Variants in BLTP3B observed in about 807,000 individuals in gnomAD.
BLTP3B encodes UHRF1 (ICBP90) binding protein 1-like.
chr12:100,102,610 TC>T, the BLTP3B span, among the ~76,000 whole-genome samples: 2 of 151,656 alleles, frequency 1.3e-5, no homozygotes, highest in African/African-American at 4.8e-5. Flanking sequence ...AAGTTAAAAG[TC>T]AAATCTGCAA....
the BLTP3B span, chr12:100,095,842 A>G: frequency 1.3e-6 from 2 of 1,570,106 alleles, no homozygotes; most frequent in Non-Finnish European, 1.7e-6. Flanking sequence ...CTTTAACTGT[A>G]GGAAAAAAAA....
chr12:100,052,834 C>A, the BLTP3B span, among the ~76,000 whole-genome samples: 2 of 144,422 alleles, frequency 1.4e-5, no homozygotes, highest in Non-Finnish European at 3.0e-5. Context: ...CGCTCTGTCA[C>A]CCAGGCTGGA....
chr12:100,069,623 C>T, the BLTP3B span, among the ~76,000 whole-genome samples: 5 of 152,072 alleles, frequency 3.3e-5, no homozygotes, highest in East Asian at 5.8e-4. Flanking sequence ...AACTAAACAT[C>T]GTATGTTCTT....
chr12:100,037,689 G>A, the BLTP3B span: 1 of 1,610,900 alleles, frequency 6.2e-7, no homozygotes, highest in East Asian at 2.2e-5. Flanking sequence ...TTTTCCAAGT[G>A]AGCCTCTGCA....
the BLTP3B span, chr12:100,051,246 ATAAAT>A: frequency 5.6e-6 from 9 of 1,604,712 alleles, no homozygotes; most frequent in Non-Finnish European, 7.7e-6. Flanking sequence ...AAGTAAATTA[ATAAAT>A]TAAAGTCAGT....
the BLTP3B span, chr12:100,051,013 C>CAAATGACATATATTGAGACAAAATATGA: frequency 6.3e-7 from 1 of 1,579,958 alleles, no homozygotes; most frequent in Admixed American, 1.9e-5. Flanking sequence ...AAAATATATA[C>CAAATGACATATATTGAGACAAAATATGA]ATGTCAAATA....
At chr12:100,101,893 T>C in the BLTP3B span, among the ~76,000 whole-genome samples, 5 of 152,124 alleles carry the variant, frequency 3.3e-5, no homozygotes, top group Non-Finnish European at 7.3e-5. Flanking sequence ...AGCCTTGACC[T>C]CCCGGGTTCA....
the BLTP3B span, chr12:100,047,972 G>T: frequency 6.5e-7 from 1 of 1,540,392 alleles, no homozygotes; most frequent in Middle Eastern, 1.7e-4. Context: ...TTAGAAACTT[G>T]TATCTTCATT....
At chr12:100,095,571 C>T in the BLTP3B span, 4 of 1,408,250 alleles carry the variant, frequency 2.8e-6, no homozygotes, top group Non-Finnish European at 3.9e-6. Context: ...CAAAACCTCA[C>T]AATCTGTCTC....
chr12:100,058,034 A>C, the BLTP3B span: 1 of 1,563,162 alleles, frequency 6.4e-7, no homozygotes, highest in Non-Finnish European at 8.6e-7. Context: ...GTTACCTTAA[A>C]GATGACTGTG....
chr12:100,065,282 AAT>A, the BLTP3B span, among the ~76,000 whole-genome samples: 1 of 152,146 alleles, frequency 6.6e-6, no homozygotes, highest in Non-Finnish European at 1.5e-5. Flanking sequence ...GTGTTTGAAC[AAT>A]ATGAAATCAG....
At chr12:100,067,749 A>T in the BLTP3B span, among the ~76,000 whole-genome samples, 1 of 152,206 alleles carries the variant, frequency 6.6e-6, no homozygotes, top group African/African-American at 2.4e-5. Context: ...CACAAAACTT[A>T]GGAATATACC....
chr12:100,121,266 C>T, the BLTP3B span, among the ~76,000 whole-genome samples: 1 of 148,506 alleles, frequency 6.7e-6, no homozygotes, highest in Non-Finnish European at 1.5e-5. Flanking sequence ...AGGAAAATTA[C>T]TTGAACCTGG....
chr12:100,084,931 C>T, the BLTP3B span, among the ~76,000 whole-genome samples: 1 of 152,148 alleles, frequency 6.6e-6, no homozygotes, highest in South Asian at 2.1e-4. Context: ...CCATATGACT[C>T]GTCACCCTTC....
chr12:100,129,404 C>CA, the BLTP3B span, among the ~76,000 whole-genome samples: 2 of 152,142 alleles, frequency 1.3e-5, no homozygotes, highest in African/African-American at 4.8e-5. Context: ...CAAAGTAGTA[C>CA]AAATTTATTT....
chr12:100,113,361 G>A, the BLTP3B span, among the ~76,000 whole-genome samples: 1 of 151,546 alleles, frequency 6.6e-6, no homozygotes, highest in South Asian at 2.1e-4. Context: ...TACTCTGGAG[G>A]CTGAGACAGG....
At chr12:100,127,637 A>G in the BLTP3B span, among the ~76,000 whole-genome samples, 1 of 152,240 alleles carries the variant, frequency 6.6e-6, no homozygotes, top group Non-Finnish European at 1.5e-5. Context: ...GTTTTATAAC[A>G]TAATTGCTTT....
chr12:100,095,230 GC>G, the BLTP3B span, among the ~76,000 whole-genome samples: 4 of 152,190 alleles, frequency 2.6e-5, no homozygotes, highest in African/African-American at 9.6e-5. Context: ...CCCTGTTCTT[GC>G]CCCAGCCATC....
chr12:100,111,506 C>T, the BLTP3B span, among the ~76,000 whole-genome samples: 1 of 151,908 alleles, frequency 6.6e-6, no homozygotes, highest in Non-Finnish European at 1.5e-5. Context: ...GGCTAGAGTG[C>T]AGTGGTTTGA....
Sources: gnomAD v4.1 joint callset for allele counts (sites outside exome capture counted in the v4.1 genomes callset) on GRCh38, gnomAD v4.1.1 for gene constraint, MANE v1.5 for transcripts, NCBI Gene and HGNC (gene_info 2026-07-23, HGNC 2026-07-21) for gene names.